The following NPL variants were observed in gnomAD, a reference collection of about 807,000 sequenced individuals.
NPL encodes the protein N-acetylneuraminate lyase.
NPL carries 32 observed loss-of-function variants against 41.1 expected under a neutral mutation model. The observed-to-expected ratio is 0.78, with a 90% CI of 0.59 to 1.05. The LOEUF is 1.05. Ranked by LOEUF, NPL falls within the 50% of genes least tolerant of loss-of-function variation. The probability of loss-of-function intolerance (pLI) is 0.00; values close to 1 mark genes in which losing one functional copy is unlikely to be tolerated. For missense variants in NPL, 321 were observed against 378.4 expected, an observed-to-expected ratio of 0.85 and a Z score of 1.26; for synonymous variants, 128 against 134.9, an observed-to-expected ratio of 0.95 and a Z score of 0.35.
chr1:182,817,822 C>T (rs1415913407), intron 8 of NPL, among the ~76,000 whole-genome samples: 1 of 152,232 alleles, frequency 6.6e-6, no homozygotes, highest in Non-Finnish European at 1.5e-5. Flanking sequence ...GTTTCACGCC[C>T]TCTCTGAACA....
In NPL at chr1:182,806,043, A is replaced by T. The variant is rs551020152; in HGVS notation, c.143-102A>T. ...GGAAACATGGCATTTTCCCCTCCTG[A>T]CCATCCTCAGTGCAGTGGTTTCTGA... On this transcript the variant is annotated intron_variant, in intron 4 of 12. Transcript: ENST00000367553. 595 of 1,365,920 alleles carry T rather than the reference A, an allele frequency of 4.4e-4. 5 individuals are homozygous for T. Among genetic ancestry groups the T allele is most frequent in the South Asian group, 3.7e-3 (301 of 82,300 alleles). 84.6% of individuals were successfully genotyped at this position (1,365,920 alleles called of 1,614,324 possible).
At chr1:182,800,311 C>G (rs773219538) in intron 3 of NPL, among the ~76,000 whole-genome samples, 1 of 151,856 alleles carries the variant, frequency 6.6e-6, no homozygotes, top group African/African-American at 2.4e-5. Context: ...TGGCACACAC[C>G]TGTAGTCCTA....
intron 3 of NPL, among the ~76,000 whole-genome samples, chr1:182,802,444 C>T (rs1426926620): frequency 1.3e-5 from 2 of 151,972 alleles, no homozygotes; most frequent in Non-Finnish European, 1.5e-5. Context: ...ATTTTGATGC[C>T]TTTGTTTCCT....
At position 182,814,783 on chromosome 1, in the gene NPL, G is replaced by T; in HGVS notation, c.289G>T (p.Ala97Ser). 1 of 1,613,766 alleles carries T rather than the reference G, an allele frequency of 6.2e-7. No individual in the cohort carries two copies. The change falls in exon 7 of 13, where the codon GCC (alanine) becomes TCC (serine). Residue 97 changes from alanine (A) to serine (S), a missense_variant and splice_region_variant. Ala to Ser is a moderately conservative substitution (Grantham distance 99). Transcript: ENST00000367553. ...ALSLKESQEL[A>S]QHAAEIGADG... The stretch of plus-strand genomic sequence containing the variant: ...TATGGTCTTCTTTCTTCCTTTAAAG[G>T]CCCAACATGCAGCAGAAATAGGAGC...
At chr1:182,818,741 T>C (rs1444368787) in intron 9 of NPL, 52 bp downstream of exon 9, 3 of 1,613,916 alleles carry the variant, frequency 1.9e-6, no homozygotes, top group African/African-American at 1.3e-5. Flanking sequence ...CAAAACAATT[T>C]GTGTAGCTAT....
At position 182,828,733 on chromosome 1, in the gene NPL, T is replaced by C; in HGVS notation, c.788T>C (p.Val263Ala). The change falls in exon 13 of 13, where the codon GTG becomes GCG. Residue 263 changes from valine (V) to alanine (A), a missense_variant. Val to Ala is a moderately conservative substitution (Grantham distance 64). Transcript: ENST00000367553. This position sits in a 1 kb window ranked among gnomAD's most constrained non-coding sequence, Gnocchi z 4.0. Reference sequence around the variant, plus strand: ...TGTTTTTCCCGTCTAGGTTTTGGAGTGTCACAGACCAAAGCCATCATGACT... The same window carrying C: ...TGTTTTTCCCGTCTAGGTTTTGGAGCGTCACAGACCAAAGCCATCATGACT... ...INFVVKLGFG[V>A]SQTKAIMTLV... 3.1e-6 allele frequency: 5 copies of C among 1,614,080 alleles called. No individual in the cohort carries two copies. Among genetic ancestry groups the C allele is most frequent in the Non-Finnish European group, 4.2e-6 (5 of 1,179,998 alleles).
intron 8 of NPL, among the ~76,000 whole-genome samples, chr1:182,818,306 A>G (rs182854361): frequency 3.3e-5 from 5 of 152,170 alleles, no homozygotes; most frequent in African/African-American, 9.7e-5. Flanking sequence ...CTGAGACCAA[A>G]TATATATTTA....
chr1:182,817,705 A>G (rs2102558900), intron 8 of NPL, among the ~76,000 whole-genome samples: 1 of 152,358 alleles, frequency 6.6e-6, no homozygotes, highest in South Asian at 2.1e-4. Flanking sequence ...AGCAGTTTAC[A>G]GAACTCAAAC....
intron 7 of NPL, among the ~76,000 whole-genome samples, chr1:182,816,289 ATTGT>A (rs2102557051): frequency 6.6e-6 from 1 of 152,324 alleles, no homozygotes; most frequent in South Asian, 2.1e-4. Flanking sequence ...TGAAGCAGAT[ATTGT>A]TTATCTTTTT....
chr1:182,817,855 C>T lies in NPL; in HGVS notation c.458-686C>T, dbSNP rs1216388747. 2.0e-5 allele frequency among the ~76,000 whole-genome samples: 3 copies of T among 152,212 alleles called. No individual in the cohort carries two copies. In the East Asian group the frequency reaches 5.8e-4, roughly 29 times the overall value. ...ACAAGCCATCCTCCAGGCACCTTCA[C>T]GTATTCAGCAACCCAGAAGCCCTGT... On this transcript the variant is annotated intron_variant, in intron 8 of 12. Coordinates refer to ENST00000367553, the MANE Select transcript of NPL (RefSeq NM_030769.3).
At chr1:182,798,656 C>G (rs901960550) in intron 3 of NPL, among the ~76,000 whole-genome samples, 1 of 152,190 alleles carries the variant, frequency 6.6e-6, no homozygotes, top group Non-Finnish European at 1.5e-5. Context: ...CTCAAATGTT[C>G]TTGGCATCAC....
At chr1:182,815,246 T>A (rs906541916) in intron 7 of NPL, among the ~76,000 whole-genome samples, 1 of 152,342 alleles carries the variant, frequency 6.6e-6, no homozygotes, top group South Asian at 2.1e-4. Context: ...TATTCAAGGT[T>A]GAGTGAATGA....
At chr1:182,818,923 T>C (rs1571272700) in intron 10 of NPL, 64 bp downstream of exon 10, 2 of 1,339,442 alleles carry the variant, frequency 1.5e-6, no homozygotes, top group East Asian at 4.6e-5. Context: ...ATCACCAAAG[T>C]AGCTGTATTT....
chr1:182,794,644 C>CT (rs766205760), intron 3 of NPL, among the ~76,000 whole-genome samples: 6 of 152,220 alleles, frequency 3.9e-5, no homozygotes, highest in Non-Finnish European at 8.8e-5. Context: ...CAGAGAAGCA[C>CT]TATATCACCT....
intron 3 of NPL, among the ~76,000 whole-genome samples, chr1:182,796,166 C>CAAAA (rs11419574): frequency 0.089 from 9,137 of 102,900 alleles, 416 homozygotes; most frequent in South Asian, 0.14. Flanking sequence ...GGTGTGAAAT[C>CAAAA]AAAAAAAAAA....
intron 1 of NPL, among the ~76,000 whole-genome samples, chr1:182,790,194 C>T (rs1328578548): frequency 1.3e-5 from 2 of 152,182 alleles, no homozygotes; most frequent in African/African-American, 4.8e-5. Context: ...ATTTGTATCT[C>T]CTCTTCTCCG....
At chr1:182,827,004 A>G (rs553603306) in intron 12 of NPL, 1 of 152,356 alleles carries the variant, frequency 6.6e-6, no homozygotes, top group Admixed American at 6.5e-5. Context: ...TACTGCAATA[A>G]AAGTTATATA....
At chr1:182,793,827 G>T (rs952850726) in intron 2 of NPL, among the ~76,000 whole-genome samples, 1 of 152,190 alleles carries the variant, frequency 6.6e-6, no homozygotes, top group African/African-American at 2.4e-5. Context: ...GAATTACGTT[G>T]ATTTGAAGTG....
intron 6 of NPL, 90 bp from the exon 7 acceptor site, chr1:182,814,693 T>C (rs937722782): frequency 9.2e-6 from 10 of 1,081,836 alleles, no homozygotes; most frequent in Admixed American, 1.8e-5. Flanking sequence ...TTAGCAAATT[T>C]GAAGAGCTTG....
Sources: allele counts gnomAD v4.1 joint callset (sites outside exome capture counted in the v4.1 genomes callset), GRCh38; gene constraint gnomAD v4.1.1; non-coding constraint Gnocchi (gnomAD v3.1); transcripts MANE v1.5; gene names NCBI Gene and HGNC (gene_info 2026-07-23, HGNC 2026-07-21).